SH3GL3: variants seen among roughly 807,000 people sequenced by gnomAD.
SH3GL3 encodes the protein endophilin-A3.
Under a neutral mutation model 47.7 loss-of-function variants are expected in SH3GL3, and 33 were observed. That is an observed-to-expected ratio of 0.69 (90% CI 0.52 to 0.92). The LOEUF (loss-of-function observed/expected upper bound fraction) is 0.92, where lower values mean the gene tolerates loss of function less well. Ranked by LOEUF, SH3GL3 falls within the 40% of genes least tolerant of loss-of-function variation. The pLI, the probability that SH3GL3 is intolerant of heterozygous loss-of-function variation, is 0.00. For synonymous variants in SH3GL3, 155 were observed against 148.8 expected (o/e 1.04, Z -0.30); for missense variants, 363 against 417.8 (o/e 0.87, Z 1.14).
chr15:83,608,295 A>G (rs910892165), intron 8 of SH3GL3, among the ~76,000 whole-genome samples: 2 of 152,192 alleles, frequency 1.3e-5, no homozygotes, highest in African/African-American at 4.8e-5. Flanking sequence ...ACCCTCATAG[A>G]CCAACACTTC....
At chr15:83,608,245 A>G (rs1398890413) in intron 8 of SH3GL3, among the ~76,000 whole-genome samples, 1 of 152,206 alleles carries the variant, frequency 6.6e-6, no homozygotes. Flanking sequence ...ACAGCAGTTC[A>G]TTGACTTTTA....
chr15:83,535,854 T>C (rs2043877940), intron 1 of SH3GL3, among the ~76,000 whole-genome samples: 1 of 152,154 alleles, frequency 6.6e-6, no homozygotes, highest in Non-Finnish European at 1.5e-5. Flanking sequence ...ATGGGGAAGA[T>C]ATCAATCTCA....
chr15:83,507,358 TTTAA>T (rs2042556006), intron 1 of SH3GL3, among the ~76,000 whole-genome samples: 1 of 152,114 alleles, frequency 6.6e-6, no homozygotes, highest in South Asian at 2.1e-4. Context: ...TTTTGTTGGT[TTTAA>T]TTACTTTTTT....
chr15:83,554,618 C>G (rs1445818351), intron 1 of SH3GL3, among the ~76,000 whole-genome samples: 1 of 152,126 alleles, frequency 6.6e-6, no homozygotes, highest in Non-Finnish European at 1.5e-5. Context: ...GAACACCTGA[C>G]CTCAGGTGAT....
chr15:83,485,884 G>A (rs2041573744), intron 1 of SH3GL3, among the ~76,000 whole-genome samples: 1 of 152,108 alleles, frequency 6.6e-6, no homozygotes, highest in South Asian at 2.1e-4. Flanking sequence ...AAACTAAAGA[G>A]AAAAATACTA....
intron 1 of SH3GL3, among the ~76,000 whole-genome samples, chr15:83,464,430 A>G (rs1204211797): frequency 6.6e-6 from 1 of 152,114 alleles, no homozygotes; most frequent in Admixed American, 6.6e-5. Flanking sequence ...AAATCTATAC[A>G]TTGATTTCTC....
chr15:83,573,135 A>T (rs2151771903), intron 5 of SH3GL3, among the ~76,000 whole-genome samples: 1 of 152,324 alleles, frequency 6.6e-6, no homozygotes, highest in South Asian at 2.1e-4. Context: ...GAAAACTGTT[A>T]AAAATGGCGT....
At chr15:83,547,477 C>T (rs912528876) in intron 1 of SH3GL3, among the ~76,000 whole-genome samples, 9 of 152,230 alleles carry the variant, frequency 5.9e-5, no homozygotes, top group African/African-American at 2.2e-4. Flanking sequence ...CAATTCAAAA[C>T]TATCATTCCT....
intron 1 of SH3GL3, among the ~76,000 whole-genome samples, chr15:83,482,497 G>GTT (rs112269487): frequency 1.1e-4 from 16 of 147,242 alleles, no homozygotes; most frequent in East Asian, 5.9e-4. Context: ...GCCTTCTTAA[G>GTT]TTTTTTTTTT....
chr15:83,551,963 C>T (rs1166386867), intron 1 of SH3GL3, among the ~76,000 whole-genome samples: 1 of 152,122 alleles, frequency 6.6e-6, no homozygotes, highest in Non-Finnish European at 1.5e-5. Context: ...TTCTTATCTC[C>T]CTGGTGAACT....
the SH3GL3 span, among the ~76,000 whole-genome samples, chr15:83,629,492 C>T: frequency 3.9e-5 from 6 of 152,146 alleles, no homozygotes; most frequent in Non-Finnish European, 5.9e-5. Context: ...TAAACCTTGA[C>T]CTTTACTTCA....
intron 6 of SH3GL3, among the ~76,000 whole-genome samples, chr15:83,581,681 G>A (rs1019051376): frequency 3.3e-5 from 5 of 152,192 alleles, no homozygotes; most frequent in African/African-American, 1.2e-4. Context: ...AATCACCAAA[G>A]GAAGGGGAGG....
intron 1 of SH3GL3, among the ~76,000 whole-genome samples, chr15:83,503,438 A>C (rs1596125796): frequency 6.6e-6 from 1 of 152,316 alleles, no homozygotes; most frequent in East Asian, 1.9e-4. Context: ...AAGTTTTCTA[A>C]TTGTTAGATA....
intron 1 of SH3GL3, among the ~76,000 whole-genome samples, chr15:83,547,376 C>G (rs1279991899): frequency 2.6e-5 from 4 of 152,200 alleles, no homozygotes; most frequent in Admixed American, 6.5e-5. Context: ...TGCAAATTCC[C>G]CAAATTACTT....
intron 1 of SH3GL3, among the ~76,000 whole-genome samples, chr15:83,462,448 T>G (rs1279256002): frequency 6.6e-6 from 1 of 152,240 alleles, no homozygotes; most frequent in East Asian, 1.9e-4. Flanking sequence ...AACAACTTTT[T>G]GTTCATATTG....
At chr15:83,471,771 A>T (rs2040840610) in intron 1 of SH3GL3, among the ~76,000 whole-genome samples, 1 of 151,994 alleles carries the variant, frequency 6.6e-6, no homozygotes, top group African/African-American at 2.4e-5. Context: ...TGTAATTCAA[A>T]TTGTTTTTCT....
Position 83,447,608 on chromosome 15 carries a change from AG to A in SH3GL3, c.45+35del. The A allele has an allele frequency of 1.4e-6, 2 of 1,459,244 alleles. No individual in the cohort carries two copies. The highest frequency in any genetic ancestry group is 9.2e-7 in the Non-Finnish European group (1 of 1,091,046). The allele number at this position is 1,459,244 out of a possible 1,614,324, so 90.4% of individuals were successfully genotyped here. On this transcript the variant is annotated intron_variant, in intron 1 of 8. Coordinates refer to ENST00000427482, the MANE Select transcript of SH3GL3 (RefSeq NM_003027.5). This position sits in a 1 kb window ranked among gnomAD's most constrained non-coding sequence, Gnocchi z 5.1. ...GGAGGCGCAGAGGAGGGAAGGAGGG[AG>A]GGGGACGCGGAGGCTGCGGCCCCCC...
At chr15:83,555,993 T>C (rs1774075372) in intron 1 of SH3GL3, among the ~76,000 whole-genome samples, 1 of 152,200 alleles carries the variant, frequency 6.6e-6, no homozygotes, top group Non-Finnish European at 1.5e-5. Flanking sequence ...GCATAAAGAG[T>C]GCATATTTTG....
At chr15:83,564,636 T>C (rs1036688708) in intron 2 of SH3GL3, among the ~76,000 whole-genome samples, 2 of 152,174 alleles carry the variant, frequency 1.3e-5, no homozygotes, top group African/African-American at 4.8e-5. Context: ...CTTCTGACCA[T>C]AGCACAAATG....
Sources: gnomAD v4.1 joint callset for allele counts (sites outside exome capture counted in the v4.1 genomes callset) on GRCh38, gnomAD v4.1.1 for gene constraint, Gnocchi (gnomAD v3.1) non-coding constraint, MANE v1.5 for transcripts, NCBI Gene and HGNC (gene_info 2026-07-23, HGNC 2026-07-21) for gene names.